CR2: variants seen among roughly 807,000 people sequenced by gnomAD.
CR2 encodes the protein complement C3d receptor 2.
Under a neutral mutation model 123.0 loss-of-function variants are expected in CR2, and 96 were observed. The ratio of observed to expected loss-of-function variants is 0.78; its 90% CI spans 0.66 to 0.93. The LOEUF is 0.93. Among genes scored for constraint, CR2 ranks in the 40% least tolerant of loss-of-function variants. CR2 has a pLI of 0.00. For synonymous variants in CR2, 484 were observed against 469.5 expected (o/e 1.03, Z -0.40); for missense variants, 1,258 against 1,361.0 (o/e 0.92, Z 1.19).
intron 16 of CR2, among the ~76,000 whole-genome samples, chr1:207,478,484 C>T (rs1309682070): frequency 1.5e-5 from 2 of 130,384 alleles, no homozygotes; most frequent in Non-Finnish European, 3.1e-5. Context: ...ACCATGATTG[C>T]ACCACCGCAC....
intron 2 of CR2, 91 bp downstream of exon 2, chr1:207,467,003 T>C (rs1658120594): frequency 2.1e-6 from 3 of 1,405,826 alleles, no homozygotes; most frequent in South Asian, 2.9e-5. Flanking sequence ...ACAAACAGTG[T>C]GAACATGTAA....
At chr1:207,484,196 A>G (rs1658686694) in intron 18 of CR2, among the ~76,000 whole-genome samples, 1 of 152,228 alleles carries the variant, frequency 6.6e-6, no homozygotes, top group African/African-American at 2.4e-5. Flanking sequence ...GGGAATGCTT[A>G]CAAGTGCAAA....
rs751868289 is a variant in CR2, at chr1:207,475,125, C to T, written c.2625C>T (p.Cys875=). The T allele has an allele frequency of 6.2e-7, 1 of 1,612,298 alleles. No individual in the cohort carries two copies. Among genetic ancestry groups the T allele is most frequent in the Non-Finnish European group, 8.5e-7 (1 of 1,179,160 alleles). ...ACAATGACATAGTGTATGTTGACTG[C>T]AATCCTGGCTTCATCATGAATGGTA... ...YSHNDIVYVD[C]NPGFIMNGSR... The change falls in exon 14 of 20, where the codon TGC becomes TGT. Residue 875 remains cysteine, a synonymous_variant. Transcript: ENST00000367057.
intron 1 of CR2, among the ~76,000 whole-genome samples, chr1:207,457,440 G>T (rs1225810243): frequency 6.6e-6 from 1 of 152,050 alleles, no homozygotes; most frequent in Non-Finnish European, 1.5e-5. Context: ...TATACCCCAG[G>T]AAATCCTTTA....
Position 207,476,273 on chromosome 1 carries a change from G to A in CR2, c.2756G>A (p.Gly919Glu), listed in dbSNP as rs764760784. ...GCPPPPKTPN[G>E]NHTGGNIARF... The stretch of plus-strand genomic sequence containing the variant: ...CCACCTCCGCCTAAGACCCCTAACG[G>A]GAACCATACTGGTGGAAACATAGCT... Residue 919 changes from glycine to glutamate, a missense_variant, in exon 15 of 20, where the codon GGG becomes GAG. Coordinates refer to ENST00000367057, the MANE Select transcript of CR2 (RefSeq NM_001006658.3). 5.0e-6 allele frequency: 8 copies of A among 1,613,832 alleles called. No homozygotes were observed. The highest frequency in any genetic ancestry group is 5.9e-6 in the Non-Finnish European group (7 of 1,179,866).
intron 2 of CR2, among the ~76,000 whole-genome samples, chr1:207,467,285 C>CTT (rs1658129246): frequency 6.6e-6 from 1 of 151,994 alleles, no homozygotes; most frequent in Non-Finnish European, 1.5e-5. Context: ...AGCAAAAATA[C>CTT]ACCCAATGGA....
intron 1 of CR2, among the ~76,000 whole-genome samples, chr1:207,457,137 G>A (rs1052644815): frequency 1.3e-5 from 2 of 152,088 alleles, no homozygotes; most frequent in African/African-American, 4.8e-5. Flanking sequence ...TTCCCTCACT[G>A]GAATACAAGT....
At position 207,454,401 on chromosome 1, in the gene CR2, G is replaced by T. The variant is rs765171183; in HGVS notation, c.-18G>T. The T allele has an allele frequency of 2.5e-6, 4 of 1,572,386 alleles. No homozygotes were observed. Among genetic ancestry groups the T allele is most frequent in the South Asian group, 1.1e-5 (1 of 87,136 alleles). ...CGGGTCTCGGAACGCATCCCGCCGC[G>T]GGGGCTTCGGCCGTGGCATGGGCGC... On this transcript the variant is annotated 5_prime_UTR_variant, in exon 1 of 20. Coordinates refer to ENST00000367057, the MANE Select transcript of CR2 (RefSeq NM_001006658.3). This position sits in a 1 kb window ranked among gnomAD's most constrained non-coding sequence, Gnocchi z 4.3.
chr1:207,480,154 C>T, intron 18 of CR2, 101 bp downstream of exon 18: 1 of 852,448 alleles, frequency 1.2e-6, no homozygotes, highest in Non-Finnish European at 2.0e-6. Flanking sequence ...GAAATAAATA[C>T]TGCAATGTGA....
At chr1:207,472,522 A>C (rs1264628674) in intron 9 of CR2, among the ~76,000 whole-genome samples, 1 of 152,154 alleles carries the variant, frequency 6.6e-6, no homozygotes. Flanking sequence ...GCAATTTACT[A>C]CTGGGCCTAA....
chr1:207,475,838 T>A (rs942572657), intron 14 of CR2, among the ~76,000 whole-genome samples: 3 of 152,192 alleles, frequency 2.0e-5, no homozygotes, highest in African/African-American at 7.2e-5. Context: ...AGCTGAGCAG[T>A]GGCTGCCACT....
rs963901983 is a variant in CR2, at chr1:207,466,821, T to C, written c.354T>C (p.Cys118=). ...YRHGDSVTFA[C]KTNFSMNGNK... ...ATGGTGATTCTGTGACATTTGCCTGTAAAACCAACTTCTCCATGAACGGAA... is the reference window on the plus strand; with the variant it reads ...ATGGTGATTCTGTGACATTTGCCTGCAAAACCAACTTCTCCATGAACGGAA... The change falls in exon 2 of 20, where the codon TGT becomes TGC. Residue 118 remains cysteine, a synonymous_variant. Transcript: ENST00000367057. 3 of 1,613,494 alleles carry C rather than the reference T, an allele frequency of 1.9e-6. No homozygotes were observed. Among genetic ancestry groups the C allele is most frequent in the Non-Finnish European group, 2.5e-6 (3 of 1,179,848 alleles).
At position 207,476,387 on chromosome 1, in the gene CR2, G is replaced by A. The variant is rs764859619; in HGVS notation, c.2870G>A (p.Gly957Glu). The change falls in exon 15 of 20, where the codon GGA becomes GAA. Residue 957 changes from glycine to glutamate, a missense_variant. By Grantham distance (98) the Gly-to-Glu change is moderately conservative (BLOSUM62 -2). Coordinates refer to ENST00000367057, the MANE Select transcript of CR2 (RefSeq NM_001006658.3). The part of the protein sequence containing the change: ...GEALLLCTHE[G>E]TWSQPAPHCK... ...GCACTCCTTCTTTGCACACATGAGG[G>A]AACCTGGAGCCAACCTGCCCCTCAT... 2.5e-6 allele frequency: 4 copies of A among 1,613,668 alleles called. No individual in the cohort carries two copies. Among genetic ancestry groups the A allele is most frequent in the Middle Eastern group, 1.7e-4 (1 of 6,008 alleles).
intron 15 of CR2, 100 bp downstream of exon 15, chr1:207,476,519 T>A: frequency 9.6e-7 from 1 of 1,041,536 alleles, no homozygotes; most frequent in Non-Finnish European, 1.4e-6. Context: ...AAGAAATGAA[T>A]TAACTGTCTG....
At chr1:207,485,242 C>T (rs1254665068) in intron 18 of CR2, among the ~76,000 whole-genome samples, 10 of 152,178 alleles carry the variant, frequency 6.6e-5, no homozygotes, top group South Asian at 6.2e-4. Flanking sequence ...ATGTAGATGA[C>T]GGGTTGTTGG....
rs189580087 is a variant in CR2 at position 207,455,549 on chromosome 1, T to C, written c.58+1073T>C. ...ATTGTTTCTATGGACATCCAGCTTA[T>C]TGAGGTGTCTGGAATACAGCACATA... On this transcript the variant is annotated intron_variant, in intron 1 of 19. Transcript: ENST00000367057. Among the ~76,000 whole-genome samples, 1,343 of 152,364 alleles carry C rather than the reference T, an allele frequency of 8.8e-3. 11 individuals are homozygous for C. The highest frequency in any genetic ancestry group is 0.016 in the Non-Finnish European group (1,094 of 68,032).
chr1:207,470,925 C>A lies in CR2; in HGVS notation c.1402+9C>A. Reference sequence around the variant, plus strand: ...TGTACCCCAATGCAAAGGTGCCAGGCCTCAAATGTAGACATTTTGTTAACT... The same window carrying A: ...TGTACCCCAATGCAAAGGTGCCAGGACTCAAATGTAGACATTTTGTTAACT... On this transcript the variant is annotated intron_variant, in intron 7 of 19. Coordinates refer to ENST00000367057, the MANE Select transcript of CR2 (RefSeq NM_001006658.3). 6.2e-7 allele frequency: 1 copy of A among 1,613,788 alleles called. No individual in the cohort carries two copies. Among genetic ancestry groups the A allele is most frequent in the South Asian group, 1.1e-5 (1 of 91,084 alleles).
intron 19 of CR2, among the ~76,000 whole-genome samples, chr1:207,487,155 C>T (rs1422614244): frequency 6.6e-6 from 1 of 152,136 alleles, no homozygotes; most frequent in East Asian, 1.9e-4. Context: ...CTGATACTAT[C>T]CAGAGAAGAA....
At chr1:207,479,194 G>A in intron 16 of CR2, 63 bp from the exon 17 acceptor site, 3 of 1,259,656 alleles carry the variant, frequency 2.4e-6, no homozygotes, top group Non-Finnish European at 3.5e-6. Context: ...CATGAAACGT[G>A]GGGCTACATT....
Sources: gnomAD v4.1 joint callset for allele counts (sites outside exome capture counted in the v4.1 genomes callset) on GRCh38, gnomAD v4.1.1 for gene constraint, Gnocchi (gnomAD v3.1) non-coding constraint, MANE v1.5 for transcripts, NCBI Gene and HGNC (gene_info 2026-07-23, HGNC 2026-07-21) for gene names.